The following OR51E2 variants were observed in gnomAD, a reference collection of about 807,000 sequenced individuals.
The protein encoded by OR51E2 is olfactory receptor family 51 subfamily E member 2.
OR51E2 carries 14 observed loss-of-function variants against 13.7 expected under a neutral mutation model. The ratio of observed to expected loss-of-function variants is 1.02; its 90% CI spans 0.68 to 1.60. OR51E2 has a LOEUF of 1.60. Ranked by LOEUF, OR51E2 falls within the 40% of genes most tolerant of loss-of-function variation. OR51E2 has a pLI of 0.00. For missense variants in OR51E2, 483 were observed against 413.8 expected (o/e 1.17, Z -1.45); for synonymous variants, 180 against 157.6 (o/e 1.14, Z -1.07).
At chr11:4,689,189 A>G (rs992457486) in intron 1 of OR51E2, among the ~76,000 whole-genome samples, 4 of 152,232 alleles carry the variant, frequency 2.6e-5, no homozygotes, top group African/African-American at 9.6e-5. Context: ...AAGAGTAACA[A>G]TAATTGAAAC....
In OR51E2 at chr11:4,682,542, G is replaced by A. The variant is rs530937980; in HGVS notation, c.170C>T (p.Pro57Leu). Residue 57 changes from proline to leucine, a missense_variant, in exon 2 of 2, where the codon CCG becomes CTG. Coordinates refer to ENST00000396950, the MANE Select transcript of OR51E2 (RefSeq NM_030774.4). ...AAGCATGCAGAGAAAGAGGTACATC[G>A]GAGCGTGCAGGCTGCGTTCCGTCCT... ...IVRTERSLHA[P>L]MYLFLCMLAA... is the part of the protein sequence containing the mutation. 9 of 1,614,194 alleles carry A rather than the reference G, an allele frequency of 5.6e-6. No individual in the cohort carries two copies. Among genetic ancestry groups the A allele is most frequent in the East Asian group, 4.5e-5 (2 of 44,882 alleles).
At position 4,682,264 on chromosome 11, in the gene OR51E2, G is replaced by C. The variant is rs754881643; in HGVS notation, c.448C>G (p.Arg150Gly). 2 of 1,613,994 alleles carry C rather than the reference G, an allele frequency of 1.2e-6. No individual in the cohort carries two copies. The highest frequency in any genetic ancestry group is 1.3e-5 in the African/African-American group (1 of 74,892). Residue 150 changes from arginine (R) to glycine (G), a missense_variant, in exon 2 of 2, where the codon CGC (arginine) becomes GGC (glycine). Transcript: ENST00000396950. ...TAQIGIVAVV[R>G]GSLFFFPLPL... ...AGTGGGAAAAAAAAGAGGGATCCGC[G>C]GACCACAGCCACGATGCCAATCTGG...
At chr11:4,684,589 G>T (rs1279619885) in intron 1 of OR51E2, among the ~76,000 whole-genome samples, 1 of 152,106 alleles carries the variant, frequency 6.6e-6, no homozygotes, top group Non-Finnish European at 1.5e-5. Flanking sequence ...AATGCCTTTT[G>T]CCCATGCTAC....
Position 4,682,485 on chromosome 11 carries a change from G to T in OR51E2, c.227C>A (p.Thr76Asn). The T allele has an allele frequency of 6.2e-7, 1 of 1,614,234 alleles. No individual in the cohort carries two copies. Among genetic ancestry groups the T allele is most frequent in the Non-Finnish European group, 8.5e-7 (1 of 1,180,032 alleles). Residue 76 changes from threonine to asparagine, a missense_variant, in exon 2 of 2, where the codon ACC becomes AAC. Coordinates refer to ENST00000396950, the MANE Select transcript of OR51E2 (RefSeq NM_030774.4). ...AAIDLALSTS[T>N]MPKILALFWF... ...GAAAAGGGCAAGGATCTTAGGCATG[G>T]TGGATGTGGATAAGGCCAGGTCAAT...
intron 1 of OR51E2, chr11:4,685,099 T>C (rs1424549542): frequency 1.3e-5 from 2 of 152,238 alleles, no homozygotes; most frequent in Non-Finnish European, 2.9e-5. Flanking sequence ...CAGCTGGAGC[T>C]GGTTTTGCTT....
Position 4,693,588 on chromosome 11 carries a change from G to GC in OR51E2, c.-51+4064dup, listed in dbSNP as rs1847615140. 2.0e-5 allele frequency among the ~76,000 whole-genome samples: 3 copies of GC among 152,234 alleles called. No individual in the cohort carries two copies. The South Asian group carries it at 6.2e-4, about 32-fold the overall frequency. ...TACAAAAAATTAGCCGGGCGTGGTGGCGGGCGCCTGTAGTTCCAGCTACTG... is the reference window on the plus strand; with the variant it reads ...TACAAAAAATTAGCCGGGCGTGGTGGCCGGGCGCCTGTAGTTCCAGCTACTG... On this transcript the variant is annotated intron_variant, in intron 1 of 1. Coordinates refer to ENST00000396950, the MANE Select transcript of OR51E2 (RefSeq NM_030774.4).
intron 1 of OR51E2, among the ~76,000 whole-genome samples, chr11:4,695,530 A>T (rs1045530715): frequency 6.6e-6 from 1 of 152,176 alleles, no homozygotes; most frequent in African/African-American, 2.4e-5. Context: ...TATAAGGATA[A>T]AAATTCCTTT....
Position 4,680,401 on chromosome 11 carries a change from A to G in OR51E2, c.*1348T>C, listed in dbSNP as rs1847436736. The G allele has an allele frequency of 6.6e-6, 1 of 152,654 alleles. No homozygotes were observed. The highest frequency in any genetic ancestry group is 2.4e-5 in the African/African-American group (1 of 41,470). The allele number at this position is 152,654 out of a possible 1,614,324, so 9.5% of individuals were successfully genotyped here. ...GATTATTCTGCATGTGTTGCCCACA[A>G]CTAGGGCAAGGTTATCTCTCATCAC... On this transcript the variant is annotated 3_prime_UTR_variant, in exon 2 of 2. Coordinates refer to ENST00000396950, the MANE Select transcript of OR51E2 (RefSeq NM_030774.4).
intron 1 of OR51E2, among the ~76,000 whole-genome samples, chr11:4,694,771 T>C (rs138553967): frequency 9.4e-4 from 143 of 152,250 alleles, no homozygotes; most frequent in African/African-American, 3.2e-3. Flanking sequence ...ATGTATCTAA[T>C]TGATAAGGCA....
intron 1 of OR51E2, among the ~76,000 whole-genome samples, chr11:4,686,097 G>C (rs61885987): frequency 0.19 from 28,443 of 152,162 alleles, 3,397 homozygotes; most frequent in East Asian, 0.58. Context: ...CTCAAGGCTA[G>C]TTTTGTGCAG....
intron 1 of OR51E2, among the ~76,000 whole-genome samples, chr11:4,688,659 G>A (rs1169710281): frequency 1.3e-5 from 2 of 152,140 alleles, no homozygotes; most frequent in African/African-American, 4.8e-5. Context: ...TAAAGCAAAC[G>A]TGGATGAAGG....
intron 1 of OR51E2, among the ~76,000 whole-genome samples, chr11:4,687,019 T>G (rs1202070044): frequency 6.6e-6 from 1 of 152,130 alleles, no homozygotes; most frequent in Non-Finnish European, 1.5e-5. Context: ...CTTTTCTCCT[T>G]TCCATTTTTA....
In OR51E2 at chr11:4,681,487, T is replaced by G. The variant is rs1433388764; in HGVS notation, c.*262A>C. 1 of 445,438 alleles carries G rather than the reference T, an allele frequency of 2.2e-6. No individual in the cohort carries two copies. The highest frequency in any genetic ancestry group is 4.0e-6 in the Non-Finnish European group (1 of 251,574). The allele number at this position is 445,438 out of a possible 1,614,324, so 27.6% of individuals were successfully genotyped here. The stretch of plus-strand genomic sequence containing the variant: ...TCCAAGGCATATGCTATTTTTCAAC[T>G]TGGTTTCAATCATGTATCTTTATTG... On this transcript the variant is annotated 3_prime_UTR_variant, in exon 2 of 2. Transcript: ENST00000396950.
chr11:4,696,258 C>T (rs1462231644), intron 1 of OR51E2, among the ~76,000 whole-genome samples: 1 of 152,144 alleles, frequency 6.6e-6, no homozygotes, highest in East Asian at 1.9e-4. Context: ...GGAACTCATT[C>T]TCTCGTCCCC....
intron 1 of OR51E2, among the ~76,000 whole-genome samples, chr11:4,696,469 C>T (rs1038547500): frequency 2.0e-5 from 3 of 152,090 alleles, no homozygotes; most frequent in Admixed American, 6.5e-5. Flanking sequence ...ATGAGAACCT[C>T]GGGAGGTCTA....
chr11:4,692,820 C>T (rs7480497), intron 1 of OR51E2, among the ~76,000 whole-genome samples: 99,103 of 149,648 alleles, frequency 0.66, 35,566 homozygotes, highest in South Asian at 0.85. Context: ...TGATAAAGTG[C>T]CACCTCAAGG....
intron 1 of OR51E2, among the ~76,000 whole-genome samples, chr11:4,683,481 C>T (rs1847481628): frequency 6.6e-6 from 1 of 152,066 alleles, no homozygotes; most frequent in South Asian, 2.1e-4. Flanking sequence ...TTAAAGGAAA[C>T]TCATCTGTGG....
chr11:4,687,757 G>T (rs1847532362), intron 1 of OR51E2, among the ~76,000 whole-genome samples: 1 of 152,192 alleles, frequency 6.6e-6, no homozygotes, highest in African/African-American at 2.4e-5. Flanking sequence ...TTTGGAAAGA[G>T]TTGTCTTGAG....
rs1847471672 is a variant in OR51E2, at chr11:4,682,690, G to T, written c.22C>A (p.His8Asn). 1.9e-6 allele frequency: 3 copies of T among 1,613,684 alleles called. No homozygotes were observed. Among genetic ancestry groups the T allele is most frequent in the Admixed American group, 3.3e-5 (2 of 60,004 alleles). The change falls in exon 2 of 2, where the codon CAT becomes AAT. Residue 8 changes from histidine to asparagine, a missense_variant. Transcript: ENST00000396950. ...ATACCAATAAGCACAAAGGTGGCAT[G>T]TGTGAAGTTGCAGGAACTCATAGCT... MSSCNFTHATFVLIGIPG... is the reference protein window; with the variant it reads MSSCNFTNATFVLIGIPG...
Sources: allele counts gnomAD v4.1 joint callset (sites outside exome capture counted in the v4.1 genomes callset), GRCh38; gene constraint gnomAD v4.1.1; transcripts MANE v1.5; gene names NCBI Gene and HGNC (gene_info 2026-07-23, HGNC 2026-07-21).